The following SYT9 variants were observed in gnomAD, a reference collection of about 807,000 sequenced individuals.
The protein encoded by SYT9 is synaptotagmin 9.
A neutral mutation model predicts 48.4 loss-of-function variants in SYT9; 22 were observed. That is an observed-to-expected ratio of 0.45 (90% CI 0.32 to 0.65). The LOEUF (loss-of-function observed/expected upper bound fraction) is 0.65. Among genes scored for constraint, SYT9 ranks in the 30% least tolerant of loss-of-function variants. The probability of loss-of-function intolerance (pLI) is 0.03; values close to 1 mark genes in which losing one functional copy is unlikely to be tolerated. For missense variants in SYT9, 577 were observed against 622.0 expected (o/e 0.93, Z 0.77); for synonymous variants, 265 against 245.0 (o/e 1.08, Z -0.76).
Position 7,416,080 on chromosome 11 carries a change from C to T in SYT9, c.1083C>T (p.Cys361=), listed in dbSNP as rs1405823571. The T allele has an allele frequency of 6.2e-7, 1 of 1,614,148 alleles. No individual in the cohort carries two copies. The highest frequency in any genetic ancestry group is 8.5e-7 in the Non-Finnish European group (1 of 1,180,014). The change falls in exon 4 of 7, where the codon TGC becomes TGT. Residue 361 remains cysteine (C), a synonymous_variant. Transcript: ENST00000318881. The part of the protein sequence containing the change: ...VDLGELMFSL[C]YLPTAGRLTI... ...TGGGAGAGCTGATGTTTTCCCTGTG[C>T]TATCTTCCAACGGCTGGCAGGCTGA...
At chr11:7,283,253 T>C (rs1007931178) in intron 1 of SYT9, among the ~76,000 whole-genome samples, 2 of 151,758 alleles carry the variant, frequency 1.3e-5, no homozygotes, top group African/African-American at 4.8e-5. Context: ...CAGCTATTTT[T>C]GCTCCCAAAC....
At chr11:7,273,177 GAA>G (rs556538206) in intron 1 of SYT9, among the ~76,000 whole-genome samples, 53 of 152,196 alleles carry the variant, frequency 3.5e-4, no homozygotes, top group African/African-American at 1.2e-3. Context: ...GAGGGAATGA[GAA>G]AGAGAGACTG....
At chr11:7,279,726 G>T (rs1848459277) in intron 1 of SYT9, among the ~76,000 whole-genome samples, 1 of 152,284 alleles carries the variant, frequency 6.6e-6, no homozygotes, top group African/African-American at 2.4e-5. Flanking sequence ...AAGATTATTT[G>T]CTGTGAGGAA....
At chr11:7,251,099 GACACACAC>G (rs369736479), upstream of SYT9, among the ~76,000 whole-genome samples, 32 of 132,000 alleles carry the variant, frequency 2.4e-4, no homozygotes, top group African/African-American at 7.3e-4. Context: ...GTGGCACAGT[GACACACAC>G]ACACACACAC....
rs116481518 is a variant in SYT9, at chr11:7,353,506, A to T, written c.1044+39565A>T. Among the ~76,000 whole-genome samples, 1,485 of 152,320 alleles carry T rather than the reference A, an allele frequency of 9.7e-3. 19 individuals carry two copies. Among genetic ancestry groups the T allele is most frequent in the African/African-American group, 0.033 (1,368 of 41,546 alleles). ...GATTTCCGGTAAGTTCTACTGGTGC[A>T]GTACCACATTGACTTCTCTGCCATT... On this transcript the variant is annotated intron_variant, in intron 3 of 6. Coordinates refer to ENST00000318881, the MANE Select transcript of SYT9 (RefSeq NM_175733.4).
In SYT9 at chr11:7,432,581, AAATATATATACATATAT is replaced by A. The variant is rs1564902055; in HGVS notation, c.1467+11948_1467+11964del. On this transcript the variant is annotated intron_variant, in intron 6 of 6. Transcript: ENST00000318881. The stretch of plus-strand genomic sequence containing the variant: ...AAAAAAAAAAAAAAAAAAAAAAAAA[AAATATATATACATATAT>A]ATATATATATATATATATATATATA... 7.8e-3 allele frequency among the ~76,000 whole-genome samples: 24 copies of A among 3,084 alleles called. 2 individuals carry two copies. The highest frequency in any genetic ancestry group is 0.012 in the Non-Finnish European group (19 of 1,594). The allele number at this position is 3,084 out of a possible 152,430, so 2.0% of individuals were successfully genotyped here. A position where few individuals can be genotyped will look rare whatever the true frequency, so the allele number is the denominator to read the frequency against.
At position 7,252,781 on chromosome 11, in the gene SYT9, T is replaced by C. The variant is rs1470720271; in HGVS notation, c.145+450T>C. On this transcript the variant is annotated intron_variant, in intron 1 of 6. Coordinates refer to ENST00000318881, the MANE Select transcript of SYT9 (RefSeq NM_175733.4). The surrounding 1 kb of genome is among the most constrained non-coding windows in gnomAD (Gnocchi z 6.3). The stretch of plus-strand genomic sequence containing the variant: ...CGGGTTGGGGCCGAATCCCACCGGG[T>C]GCTGCTCATCCTTTCTCCCAAGCGT... 1.3e-5 allele frequency among the ~76,000 whole-genome samples: 2 copies of C among 152,348 alleles called. No homozygotes were observed. The highest frequency in any genetic ancestry group is 4.8e-5 in the African/African-American group (2 of 41,596).
intron 3 of SYT9, among the ~76,000 whole-genome samples, chr11:7,369,156 C>G (rs1263915693): frequency 6.6e-6 from 1 of 152,144 alleles, no homozygotes; most frequent in Non-Finnish European, 1.5e-5. Flanking sequence ...TGTTTCCTGA[C>G]TTTTTAATAA....
At chr11:7,415,327 A>G (rs922510249) in intron 3 of SYT9, among the ~76,000 whole-genome samples, 1 of 152,122 alleles carries the variant, frequency 6.6e-6, no homozygotes, top group Non-Finnish European at 1.5e-5. Flanking sequence ...GTTTGGAGCT[A>G]TGCGATAGAC....
intron 6 of SYT9, among the ~76,000 whole-genome samples, chr11:7,428,375 A>G (rs1376712779): frequency 6.6e-6 from 1 of 152,198 alleles, no homozygotes; most frequent in African/African-American, 2.4e-5. Context: ...AGCTGTCTCC[A>G]TCTCCAGGGA....
At chr11:7,249,610 C>G (rs985693882), upstream of SYT9, among the ~76,000 whole-genome samples, 8 of 152,168 alleles carry the variant, frequency 5.3e-5, no homozygotes, top group African/African-American at 1.4e-4. Flanking sequence ...TGTTTAGCAC[C>G]TCGTACATTG....
chr11:7,456,257 G>A (rs1405975123), intron 6 of SYT9, among the ~76,000 whole-genome samples: 1 of 152,204 alleles, frequency 6.6e-6, no homozygotes, highest in Non-Finnish European at 1.5e-5. Context: ...CATGGCAATT[G>A]AGCTTTTGCT....
intron 3 of SYT9, among the ~76,000 whole-genome samples, chr11:7,404,002 C>G (rs4391794): frequency 6.6e-6 from 1 of 151,870 alleles, no homozygotes; most frequent in Admixed American, 6.6e-5. Context: ...TGAGTTGAGG[C>G]CTTTATCATA....
chr11:7,335,310 A>G (rs1849614608), intron 3 of SYT9, among the ~76,000 whole-genome samples: 1 of 152,104 alleles, frequency 6.6e-6, no homozygotes, highest in African/African-American at 2.4e-5. Flanking sequence ...AATTTTTAAT[A>G]GTGTTCTTTA....
chr11:7,443,295 T>G (rs1436174452), intron 6 of SYT9, among the ~76,000 whole-genome samples: 2 of 152,214 alleles, frequency 1.3e-5, no homozygotes, highest in African/African-American at 4.8e-5. Context: ...GAATTTACAA[T>G]CTGGCTGAGG....
chr11:7,246,877 C>G (rs1323228722), intron 1 of SYT9, among the ~76,000 whole-genome samples: 2 of 152,210 alleles, frequency 1.3e-5, no homozygotes, highest in East Asian at 3.8e-4. Context: ...ACTGAGGCAT[C>G]TATTTTAGTC....
At chr11:7,311,069 A>T (rs1849124404) in intron 2 of SYT9, among the ~76,000 whole-genome samples, 2 of 152,220 alleles carry the variant, frequency 1.3e-5, no homozygotes, top group Middle Eastern at 3.4e-3. Context: ...TTGGGAGGCT[A>T]AGTTGGGTGG....
intron 3 of SYT9, among the ~76,000 whole-genome samples, chr11:7,374,958 C>A (rs1162180825): frequency 6.6e-6 from 1 of 152,118 alleles, no homozygotes; most frequent in Non-Finnish European, 1.5e-5. Context: ...GCTTTTGTTG[C>A]CATTGCTTTC....
intron 1 of SYT9, among the ~76,000 whole-genome samples, chr11:7,253,647 T>C (rs1442342155): frequency 2.0e-5 from 3 of 152,206 alleles, no homozygotes; most frequent in Non-Finnish European, 2.9e-5. Flanking sequence ...ACTAAGTTTA[T>C]TGAATGATCA....
Sources: allele counts gnomAD v4.1 joint callset (sites outside exome capture counted in the v4.1 genomes callset), GRCh38; gene constraint gnomAD v4.1.1; non-coding constraint Gnocchi (gnomAD v3.1); transcripts MANE v1.5; gene names NCBI Gene and HGNC (gene_info 2026-07-23, HGNC 2026-07-21).